Variants in DIP2C observed in about 807,000 individuals in gnomAD.
DIP2C encodes DIP2 acetate--CoA ligase C (putative).
DIP2C carries 33 observed loss-of-function variants against 192.4 expected under a neutral mutation model. The ratio of observed to expected loss-of-function variants is 0.17; its 90% CI spans 0.13 to 0.23. The LOEUF (loss-of-function observed/expected upper bound fraction) is 0.23, where lower values mean the gene tolerates loss of function less well. Among genes scored for constraint, DIP2C ranks in the 10% least tolerant of loss-of-function variants. DIP2C has a pLI of 1.00. For missense variants in DIP2C, 1,537 were observed against 2,110.1 expected, an observed-to-expected ratio of 0.73 and a Z score of 5.32; for synonymous variants, 979 against 864.1, an observed-to-expected ratio of 1.13 and a Z score of -2.33.
At chr10:670,206 A>G (rs1319253440) in intron 1 of DIP2C, among the ~76,000 whole-genome samples, 2 of 152,178 alleles carry the variant, frequency 1.3e-5, no homozygotes, top group African/African-American at 2.4e-5. Flanking sequence ...GTGCACATGT[A>G]TGCACACATA....
chr10:476,479 A>T lies in DIP2C; in HGVS notation c.158-3930T>A, dbSNP rs116545931. On this transcript the variant is annotated intron_variant, in intron 2 of 36. Coordinates refer to ENST00000280886, the MANE Select transcript of DIP2C (RefSeq NM_014974.3). ...CCCTGGCCTAAGCATTTGATGCGTC[A>T]CTCATTCCTCAGCACAAAAAGCACC... Among the ~76,000 whole-genome samples, 904 of 152,230 alleles carry T rather than the reference A, an allele frequency of 5.9e-3. 11 individuals are homozygous for T. The highest frequency in any genetic ancestry group is 0.02 in the African/African-American group (843 of 41,542).
At chr10:330,616 G>A (rs549045714) in intron 29 of DIP2C, among the ~76,000 whole-genome samples, 2 of 150,938 alleles carry the variant, frequency 1.3e-5, no homozygotes, top group Non-Finnish European at 2.9e-5. Context: ...CCTCTCCTGA[G>A]TCAGTAGGAC....
chr10:277,609 T>A, intron 36 of DIP2C, 32 bp from the exon 37 acceptor site: 1 of 1,609,904 alleles, frequency 6.2e-7, no homozygotes, highest in Non-Finnish European at 8.5e-7. Context: ...CATCATTATA[T>A]GTTTATTAAT....
At chr10:345,261 G>C (rs1958382495) in intron 26 of DIP2C, 151 bp from the exon 27 acceptor site, 3 of 802,562 alleles carry the variant, frequency 3.7e-6, no homozygotes, top group Non-Finnish European at 6.3e-6. Flanking sequence ...GGCTAAGGTA[G>C]GACAGAGCTA....
intron 1 of DIP2C, among the ~76,000 whole-genome samples, chr10:552,329 C>T (rs904715016): frequency 1.3e-5 from 2 of 152,182 alleles, no homozygotes; most frequent in Non-Finnish European, 2.9e-5. Context: ...AGGAACAGAT[C>T]GGTCTATTTC....
At chr10:360,531 C>T (rs935520516) in intron 22 of DIP2C, among the ~76,000 whole-genome samples, 15 of 152,290 alleles carry the variant, frequency 9.8e-5, no homozygotes, top group Non-Finnish European at 1.5e-5. Flanking sequence ...GGGCACAGGG[C>T]GGGAGTTTTA....
At chr10:625,215 T>C (rs1033885888) in intron 1 of DIP2C, among the ~76,000 whole-genome samples, 2 of 152,058 alleles carry the variant, frequency 1.3e-5, no homozygotes, top group African/African-American at 4.8e-5. Flanking sequence ...AGCCCTTCAT[T>C]ATCACGGCCG....
In DIP2C at chr10:387,495, G is replaced by T. The variant is rs555735168; in HGVS notation, c.1662+250C>A. On this transcript the variant is annotated intron_variant, in intron 14 of 36. Coordinates refer to ENST00000280886, the MANE Select transcript of DIP2C (RefSeq NM_014974.3). ...CCTGTGTGGACAGGCAGTGCGGGCGGCGGGGGGGCGACTCCTGTGTGGACA... is the reference window on the plus strand; with the variant it reads ...CCTGTGTGGACAGGCAGTGCGGGCGTCGGGGGGGCGACTCCTGTGTGGACA... 3.4e-5 allele frequency among the ~76,000 whole-genome samples: 5 copies of T among 148,636 alleles called. No individual in the cohort carries two copies. In the South Asian group the frequency reaches 1.1e-3, roughly 32 times the overall value.
intron 10 of DIP2C, among the ~76,000 whole-genome samples, chr10:398,863 C>G (rs902223918): frequency 6.6e-6 from 1 of 152,142 alleles, no homozygotes; most frequent in Non-Finnish European, 1.5e-5. Flanking sequence ...ACAAGATTCT[C>G]AAACACCCTT....
rs1426019107 is a variant in DIP2C, at chr10:496,663, C to T, written c.86-10133G>A. ...GTGCACAGAACCCACAGTGACCTCCCGTGTACTTAAAATCTCTACATTACT... is the reference window on the plus strand; with the variant it reads ...GTGCACAGAACCCACAGTGACCTCCTGTGTACTTAAAATCTCTACATTACT... On this transcript the variant is annotated intron_variant, in intron 1 of 36. Transcript: ENST00000280886. 2.6e-5 allele frequency among the ~76,000 whole-genome samples: 4 copies of T among 151,504 alleles called. No individual in the cohort carries two copies. The East Asian group carries it at 5.8e-4, about 22-fold the overall frequency.
intron 1 of DIP2C, among the ~76,000 whole-genome samples, chr10:580,331 AGT>A (rs1205074016): frequency 7.9e-5 from 12 of 152,200 alleles, no homozygotes; most frequent in Admixed American, 4.6e-4. Context: ...AAGTTTATTC[AGT>A]GTGCGTAGTG....
intron 4 of DIP2C, among the ~76,000 whole-genome samples, chr10:425,610 C>A (rs575164351): frequency 1.5e-4 from 22 of 150,718 alleles, no homozygotes; most frequent in Non-Finnish European, 2.1e-4. Flanking sequence ...GCATGACCAG[C>A]GGTGACTAAT....
chr10:277,635 C>G, intron 36 of DIP2C, 58 bp from the exon 37 acceptor site: 1 of 1,586,098 alleles, frequency 6.3e-7, no homozygotes, highest in Non-Finnish European at 8.6e-7. Context: ...ATTTAATAGC[C>G]GTGGTTTCAA....
At chr10:345,632 C>T (rs1465556969) in intron 26 of DIP2C, among the ~76,000 whole-genome samples, 2 of 121,294 alleles carry the variant, frequency 1.6e-5, no homozygotes, top group Admixed American at 8.2e-5. Flanking sequence ...AGACACATCG[C>T]GCATAGTTCT....
intron 3 of DIP2C, among the ~76,000 whole-genome samples, chr10:469,577 A>C (rs963930757): frequency 2.6e-5 from 4 of 152,114 alleles, no homozygotes; most frequent in African/African-American, 9.7e-5. Flanking sequence ...TCGGCCTCCC[A>C]AAGTGCTGGG....
chr10:527,583 G>A (rs1847126682), intron 1 of DIP2C, among the ~76,000 whole-genome samples: 1 of 151,934 alleles, frequency 6.6e-6, no homozygotes, highest in Non-Finnish European at 1.5e-5. Flanking sequence ...GTACTACAGA[G>A]TGTCAAATAA....
intron 2 of DIP2C, among the ~76,000 whole-genome samples, chr10:486,179 A>C (rs1282649040): frequency 6.6e-6 from 1 of 152,240 alleles, no homozygotes; most frequent in Admixed American, 6.5e-5. Context: ...TAATGCACTC[A>C]TATTTTTACG....
At chr10:502,092 G>A (rs1390342995) in intron 1 of DIP2C, among the ~76,000 whole-genome samples, 1 of 152,196 alleles carries the variant, frequency 6.6e-6, no homozygotes, top group African/African-American at 2.4e-5. Flanking sequence ...GTTGCACTGA[G>A]CTATGATTCC....
intron 1 of DIP2C, among the ~76,000 whole-genome samples, chr10:610,724 G>A (rs1390847513): frequency 1.3e-5 from 2 of 151,760 alleles, no homozygotes; most frequent in Admixed American, 6.6e-5. Context: ...CCTGGTGGGC[G>A]GTGACTGACT....
Sources: allele counts gnomAD v4.1 joint callset (sites outside exome capture counted in the v4.1 genomes callset), GRCh38; gene constraint gnomAD v4.1.1; transcripts MANE v1.5; gene names NCBI Gene and HGNC (gene_info 2026-07-23, HGNC 2026-07-21).